CCSER1: variants seen among roughly 807,000 people sequenced by gnomAD.
The protein encoded by CCSER1 is coiled-coil serine rich protein 1.
CCSER1 carries 41 observed loss-of-function variants against 82.0 expected under a neutral mutation model. The ratio of observed to expected loss-of-function variants is 0.50; its 90% CI spans 0.39 to 0.65. CCSER1 has a LOEUF of 0.65. Among genes scored for constraint, CCSER1 ranks in the 30% least tolerant of loss-of-function variants. The pLI, the probability that CCSER1 is intolerant of heterozygous loss-of-function variation, is 0.00. For synonymous variants in CCSER1, 414 were observed against 383.9 expected, an observed-to-expected ratio of 1.08 and a Z score of -0.92; for missense variants, 1,119 against 1,064.2, an observed-to-expected ratio of 1.05 and a Z score of -0.72.
chr4:91,553,658 A>ATTT (rs1762267000), intron 10 of CCSER1, among the ~76,000 whole-genome samples: 2 of 150,538 alleles, frequency 1.3e-5, no homozygotes, highest in African/African-American at 4.9e-5. Context: ...GGTAGGTTGC[A>ATTT]TTTTTCTATA....
chr4:90,296,808 T>C (rs182747839), intron 1 of CCSER1, among the ~76,000 whole-genome samples: 1 of 152,204 alleles, frequency 6.6e-6, no homozygotes, highest in South Asian at 2.1e-4. Context: ...GTTGTAGATA[T>C]GCGGCATTAT....
chr4:91,496,894 C>T (rs1758951849), intron 10 of CCSER1, among the ~76,000 whole-genome samples: 1 of 135,246 alleles, frequency 7.4e-6, no homozygotes, highest in African/African-American at 2.8e-5. Flanking sequence ...AATACATATT[C>T]CAAACTAAAT....
At chr4:91,430,904 A>C (rs17018508) in intron 10 of CCSER1, among the ~76,000 whole-genome samples, 1 of 152,194 alleles carries the variant, frequency 6.6e-6, no homozygotes, top group African/African-American at 2.4e-5. Flanking sequence ...TCATGTAAAC[A>C]ATCTGTTTTA....
At chr4:90,629,623 A>C (rs1294098520) in intron 6 of CCSER1, among the ~76,000 whole-genome samples, 1 of 152,166 alleles carries the variant, frequency 6.6e-6, no homozygotes, top group Admixed American at 6.5e-5. Context: ...GGGTGGGGAC[A>C]CAGCCAAACC....
chr4:91,531,182 TA>T (rs1400464747), intron 10 of CCSER1, among the ~76,000 whole-genome samples: 4 of 152,194 alleles, frequency 2.6e-5, no homozygotes, highest in Non-Finnish European at 5.9e-5. Flanking sequence ...AAAATTTAAG[TA>T]AATTCTGCCT....
chr4:90,759,639 G>C (rs1580340882), intron 7 of CCSER1, among the ~76,000 whole-genome samples: 1 of 152,266 alleles, frequency 6.6e-6, no homozygotes, highest in East Asian at 1.9e-4. Flanking sequence ...AGCCCAATCA[G>C]CTCTTGTAAG....
chr4:91,332,829 G>A (rs1047807424), intron 10 of CCSER1, among the ~76,000 whole-genome samples: 50 of 151,898 alleles, frequency 3.3e-4, no homozygotes, highest in African/African-American at 1.1e-3. Flanking sequence ...ATATAAAAAG[G>A]CCTTGTCATT....
At chr4:90,363,608 G>GA (rs33948729) in intron 3 of CCSER1, among the ~76,000 whole-genome samples, 19 of 150,090 alleles carry the variant, frequency 1.3e-4, no homozygotes, top group South Asian at 1.0e-3. Flanking sequence ...AGGGCAGAAA[G>GA]AAAAAAAAAA....
intron 10 of CCSER1, among the ~76,000 whole-genome samples, chr4:91,368,514 T>C (rs1051539511): frequency 6.6e-6 from 1 of 152,150 alleles, no homozygotes; most frequent in Admixed American, 6.5e-5. Context: ...AAAGCATACA[T>C]TTTAGTTGTT....
At chr4:91,475,405 T>A (rs1416420891) in intron 10 of CCSER1, among the ~76,000 whole-genome samples, 3 of 151,852 alleles carry the variant, frequency 2.0e-5, no homozygotes, top group Admixed American at 2.0e-4. Flanking sequence ...CATTTAATAT[T>A]GGAGTCAACT....
At chr4:90,957,496 T>C (rs1031279734) in intron 9 of CCSER1, among the ~76,000 whole-genome samples, 1 of 125,910 alleles carries the variant, frequency 7.9e-6, no homozygotes, top group African/African-American at 2.9e-5. Flanking sequence ...AATATTATTA[T>C]ATAATATTAT....
intron 10 of CCSER1, among the ~76,000 whole-genome samples, chr4:91,141,872 A>G (rs1729065555): frequency 6.6e-6 from 1 of 151,962 alleles, no homozygotes; most frequent in African/African-American, 2.4e-5. Context: ...TTGATTAGAG[A>G]TTTTGAGCAT....
At chr4:91,449,572 C>T (rs1755759674) in intron 10 of CCSER1, among the ~76,000 whole-genome samples, 1 of 151,870 alleles carries the variant, frequency 6.6e-6, no homozygotes, top group South Asian at 2.1e-4. Flanking sequence ...CTGAACTTCA[C>T]CATGGAAATT....
chr4:91,073,006 C>G (rs1405808626), intron 9 of CCSER1, among the ~76,000 whole-genome samples: 4 of 151,894 alleles, frequency 2.6e-5, no homozygotes, highest in African/African-American at 7.2e-5. Context: ...AAGACAGAAC[C>G]TTAAAAGTGA....
rs148315105 is a variant in CCSER1 at position 90,327,267 on chromosome 4, C to A, written c.1509+14220C>A. Among the ~76,000 whole-genome samples, 59 of 152,194 alleles carry A rather than the reference C, an allele frequency of 3.9e-4. No homozygotes were observed. The East Asian group carries it at 0.011, about 29-fold the overall frequency. On this transcript the variant is annotated intron_variant, in intron 3 of 10. Transcript: ENST00000509176. ...CAATCCCCCTCACTTGTATTTTTAC[C>A]CATTGGTGTTCATTTCCTTTGATCT...
intron 10 of CCSER1, among the ~76,000 whole-genome samples, chr4:91,389,186 T>A (rs1050953868): frequency 1.3e-5 from 2 of 152,032 alleles, no homozygotes; most frequent in African/African-American, 4.8e-5. Flanking sequence ...AGGGAACTTA[T>A]GGTTTTAAAA....
At chr4:91,180,524 C>A (rs989875064) in intron 10 of CCSER1, among the ~76,000 whole-genome samples, 19 of 152,236 alleles carry the variant, frequency 1.2e-4, no homozygotes, top group Non-Finnish European at 2.4e-4. Flanking sequence ...CGCCCCTTCC[C>A]CAGCCTGGCT....
At chr4:90,747,611 T>C (rs1254195994) in intron 7 of CCSER1, among the ~76,000 whole-genome samples, 7 of 152,176 alleles carry the variant, frequency 4.6e-5, no homozygotes, top group Admixed American at 3.3e-4. Flanking sequence ...CTGATGTTTC[T>C]TCAATTTGGA....
At chr4:90,776,081 T>C (rs1752853081) in intron 7 of CCSER1, among the ~76,000 whole-genome samples, 1 of 152,098 alleles carries the variant, frequency 6.6e-6, no homozygotes, top group South Asian at 2.1e-4. Flanking sequence ...TCCCCAAATA[T>C]GGAAAGTACC....
Sources: allele counts gnomAD v4.1 joint callset (sites outside exome capture counted in the v4.1 genomes callset), GRCh38; gene constraint gnomAD v4.1.1; transcripts MANE v1.5; gene names NCBI Gene and HGNC (gene_info 2026-07-23, HGNC 2026-07-21).